GRM5: variants seen among roughly 807,000 people sequenced by gnomAD.
GRM5 encodes the protein metabotropic glutamate receptor 5.
GRM5 carries 19 observed loss-of-function variants against 83.1 expected under a neutral mutation model. That is an observed-to-expected ratio of 0.23 (90% CI 0.16 to 0.34). The LOEUF is 0.34. GRM5 is among the 10% of genes least tolerant of loss of function. The pLI is 1.00. For missense variants in GRM5, 1,160 were observed against 1,588.3 expected, an observed-to-expected ratio of 0.73 and a Z score of 4.58; for synonymous variants, 675 against 633.6, an observed-to-expected ratio of 1.07 and a Z score of -0.98.
At chr11:88,613,431 T>A (rs566251803) in intron 4 of GRM5, among the ~76,000 whole-genome samples, 4 of 152,216 alleles carry the variant, frequency 2.6e-5, no homozygotes, top group Non-Finnish European at 4.4e-5. Context: ...TTGTTTGTAT[T>A]GTAACTTTTA....
intron 2 of GRM5, among the ~76,000 whole-genome samples, chr11:88,975,305 G>A (rs1168603963): frequency 6.6e-6 from 1 of 152,200 alleles, no homozygotes; most frequent in Non-Finnish European, 1.5e-5. Context: ...AAGGGAGTGA[G>A]AAGACATCAT....
At chr11:88,728,348 A>G (rs1941726999) in intron 3 of GRM5, among the ~76,000 whole-genome samples, 1 of 152,140 alleles carries the variant, frequency 6.6e-6, no homozygotes, top group Non-Finnish European at 1.5e-5. Context: ...CCCTGAATAG[A>G]CTAATAACAA....
chr11:88,774,044 G>C (rs1041666293), intron 3 of GRM5, among the ~76,000 whole-genome samples: 23 of 152,200 alleles, frequency 1.5e-4, no homozygotes, highest in African/African-American at 5.5e-4. Flanking sequence ...ACTTTGGGCA[G>C]TATGGCAATT....
intron 3 of GRM5, among the ~76,000 whole-genome samples, chr11:88,742,362 ATAT>A (rs1242801640): frequency 2.0e-5 from 3 of 152,164 alleles, no homozygotes; most frequent in African/African-American, 7.2e-5. Context: ...AGCAGGAATA[ATAT>A]TATCAAAATT....
At chr11:88,789,881 G>A (rs971391978) in intron 3 of GRM5, among the ~76,000 whole-genome samples, 25 of 151,622 alleles carry the variant, frequency 1.6e-4, no homozygotes, top group African/African-American at 5.8e-4. Flanking sequence ...TTGATATGGA[G>A]TCCCACTCTG....
At position 88,661,247 on chromosome 11, in the gene GRM5, A is replaced by G. The variant is rs549346977; in HGVS notation, c.912-7844T>C. On this transcript the variant is annotated intron_variant, in intron 3 of 9. Coordinates refer to ENST00000305447, the MANE Select transcript of GRM5 (RefSeq NM_001143831.3). ...AAATGTTTAATGTAACTTGTTTAAA[A>G]ATTAGGTTTTAAAAGGAAAACTTCA... is the stretch of plus-strand genomic sequence containing the variant. Among the ~76,000 whole-genome samples the G allele has an allele frequency of 2.0e-5, 3 of 152,210 alleles. No individual in the cohort carries two copies. In the South Asian group the frequency reaches 6.2e-4, roughly 31 times the overall value.
chr11:88,616,116 T>C (rs948445343), intron 4 of GRM5, among the ~76,000 whole-genome samples: 1 of 152,198 alleles, frequency 6.6e-6, no homozygotes. Flanking sequence ...ACTGAGATGA[T>C]ACTTAAACAA....
At chr11:89,055,809 A>T (rs1444214544) in intron 1 of GRM5, among the ~76,000 whole-genome samples, 1 of 152,152 alleles carries the variant, frequency 6.6e-6, no homozygotes, top group Non-Finnish European at 1.5e-5. Flanking sequence ...ATTAAAATAT[A>T]CAGAGGGCAT....
chr11:88,812,226 G>A (rs1268371727), intron 3 of GRM5, among the ~76,000 whole-genome samples: 2 of 152,064 alleles, frequency 1.3e-5, no homozygotes, highest in Non-Finnish European at 2.9e-5. Flanking sequence ...CACATATATT[G>A]AAGTTAGCTC....
At chr11:88,721,606 C>A (rs540287009) in intron 3 of GRM5, among the ~76,000 whole-genome samples, 8 of 152,178 alleles carry the variant, frequency 5.3e-5, no homozygotes, top group African/African-American at 1.9e-4. Context: ...TAAACATCTC[C>A]AGATTCATAC....
intron 3 of GRM5, among the ~76,000 whole-genome samples, chr11:88,820,810 G>A (rs1335929085): frequency 6.6e-6 from 1 of 152,088 alleles, no homozygotes; most frequent in Non-Finnish European, 1.5e-5. Context: ...TTGGAGGCAT[G>A]GATTCCTAAA....
chr11:88,750,612 C>T (rs1295539630), intron 3 of GRM5, among the ~76,000 whole-genome samples: 1 of 152,110 alleles, frequency 6.6e-6, no homozygotes, highest in African/African-American at 2.4e-5. Context: ...AATTCTCCAC[C>T]CAAATTCAAT....
intron 5 of GRM5, among the ~76,000 whole-genome samples, chr11:88,599,630 G>A (rs1290316747): frequency 2.6e-5 from 4 of 152,242 alleles, no homozygotes; most frequent in South Asian, 4.1e-4. Flanking sequence ...ATACTCTTAC[G>A]TAACTTTTAG....
chr11:88,700,818 C>G (rs1415130240), intron 3 of GRM5, among the ~76,000 whole-genome samples: 1 of 152,150 alleles, frequency 6.6e-6, no homozygotes, highest in East Asian at 1.9e-4. Flanking sequence ...ATGGGACAGG[C>G]TCTTCAAGGT....
At chr11:88,768,110 A>T (rs1942658675) in intron 3 of GRM5, among the ~76,000 whole-genome samples, 1 of 152,002 alleles carries the variant, frequency 6.6e-6, no homozygotes, top group Non-Finnish European at 1.5e-5. Context: ...CAAAACGTTG[A>T]AAACAAGGTA....
chr11:88,764,605 C>T (rs1343061742), intron 3 of GRM5, among the ~76,000 whole-genome samples: 1 of 151,002 alleles, frequency 6.6e-6, no homozygotes, highest in Non-Finnish European at 1.5e-5. Context: ...TTAGACAATA[C>T]ATGAATCAAA....
intron 2 of GRM5, among the ~76,000 whole-genome samples, chr11:88,983,314 A>G (rs1169649851): frequency 2.0e-5 from 3 of 152,146 alleles, no homozygotes; most frequent in African/African-American, 7.2e-5. Flanking sequence ...TTGTTTCTCA[A>G]ATTTATCTTA....
At chr11:88,806,728 C>T (rs924097080) in intron 3 of GRM5, among the ~76,000 whole-genome samples, 2 of 152,144 alleles carry the variant, frequency 1.3e-5, no homozygotes, top group Admixed American at 6.6e-5. Flanking sequence ...CACCCTCATC[C>T]TGGGAATCAT....
At chr11:88,980,587 C>G (rs1461942788) in intron 2 of GRM5, among the ~76,000 whole-genome samples, 2 of 152,104 alleles carry the variant, frequency 1.3e-5, no homozygotes, top group African/African-American at 2.4e-5. Context: ...CTTTGGGAGG[C>G]AGAGGTGGGT....
Sources: gnomAD v4.1 joint callset for allele counts (sites outside exome capture counted in the v4.1 genomes callset) on GRCh38, gnomAD v4.1.1 for gene constraint, MANE v1.5 for transcripts, NCBI Gene and HGNC (gene_info 2026-07-23, HGNC 2026-07-21) for gene names.